EXOC4: variants seen among roughly 807,000 people sequenced by gnomAD.
EXOC4 encodes the protein SEC8-like 1.
Under a neutral mutation model 107.2 loss-of-function variants are expected in EXOC4, and 71 were observed. That is an observed-to-expected ratio of 0.66 (90% CI 0.55 to 0.81). The LOEUF (loss-of-function observed/expected upper bound fraction) is 0.81, where lower values mean the gene tolerates loss of function less well. Ranked by LOEUF, EXOC4 falls within the 30% of genes least tolerant of loss-of-function variation. EXOC4 has a pLI of 0.00. For synonymous variants in EXOC4, 456 were observed against 441.2 expected, an observed-to-expected ratio of 1.03 and a Z score of -0.42; for missense variants, 1,108 against 1,189.6, an observed-to-expected ratio of 0.93 and a Z score of 1.01.
At chr7:133,346,499 AGT>A (rs1236117085) in intron 5 of EXOC4, among the ~76,000 whole-genome samples, 1 of 152,056 alleles carries the variant, frequency 6.6e-6, no homozygotes, top group Non-Finnish European at 1.5e-5. Context: ...ATATGTTAAG[AGT>A]GTGAATTTAT....
intron 9 of EXOC4, among the ~76,000 whole-genome samples, chr7:133,536,392 C>T (rs1383507666): frequency 2.0e-5 from 3 of 152,112 alleles, no homozygotes; most frequent in African/African-American, 4.8e-5. Flanking sequence ...CTTGAGATCA[C>T]GTACATCCAC....
intron 9 of EXOC4, among the ~76,000 whole-genome samples, chr7:133,530,557 G>A (rs1800162666): frequency 6.6e-6 from 1 of 152,186 alleles, no homozygotes; most frequent in African/African-American, 2.4e-5. Flanking sequence ...AACCATCACT[G>A]TATGTACAGT....
At chr7:133,971,334 G>GTA (rs1206467959) in intron 14 of EXOC4, among the ~76,000 whole-genome samples, 2,669 of 41,512 alleles carry the variant, frequency 0.064, 118 homozygotes, top group African/African-American at 0.073. Flanking sequence ...GGGAAAATGT[G>GTA]TATATATATA....
At chr7:133,810,622 T>G (rs575543964) in intron 10 of EXOC4, among the ~76,000 whole-genome samples, 1 of 150,600 alleles carries the variant, frequency 6.6e-6, no homozygotes, top group Non-Finnish European at 1.5e-5. Flanking sequence ...TTTATTTTAT[T>G]TTATTTTATT....
At chr7:133,965,558 T>A (rs1006423607) in intron 14 of EXOC4, among the ~76,000 whole-genome samples, 4 of 152,174 alleles carry the variant, frequency 2.6e-5, no homozygotes, top group African/African-American at 7.2e-5. Context: ...GCTGCCAGTT[T>A]TCCCAACATT....
intron 9 of EXOC4, among the ~76,000 whole-genome samples, chr7:133,483,640 A>G (rs1021774896): frequency 6.6e-6 from 1 of 152,236 alleles, no homozygotes; most frequent in African/African-American, 2.4e-5. Context: ...TATGTTCCTA[A>G]TAATCATTAA....
At chr7:133,338,176 T>C (rs1047854173) in intron 5 of EXOC4, among the ~76,000 whole-genome samples, 6 of 152,168 alleles carry the variant, frequency 3.9e-5, no homozygotes, top group Admixed American at 3.9e-4. Context: ...ATTTAAATCA[T>C]GTATTTAATT....
At chr7:133,911,463 A>G (rs1456265950) in intron 12 of EXOC4, among the ~76,000 whole-genome samples, 6 of 152,168 alleles carry the variant, frequency 3.9e-5, no homozygotes, top group African/African-American at 7.2e-5. Context: ...GTTCATTCCA[A>G]ATGTACTAAC....
At chr7:133,634,029 C>T (rs375151891) in intron 10 of EXOC4, among the ~76,000 whole-genome samples, 3 of 152,150 alleles carry the variant, frequency 2.0e-5, no homozygotes, top group African/African-American at 7.2e-5. Flanking sequence ...TGCAGCCTAG[C>T]GGGTTTCTAT....
chr7:133,458,873 C>G (rs891214615), intron 7 of EXOC4, among the ~76,000 whole-genome samples: 2 of 149,908 alleles, frequency 1.3e-5, no homozygotes, highest in African/African-American at 4.9e-5. Context: ...ACCCCCACAC[C>G]CCCGCCCTGT....
At chr7:133,352,989 G>A (rs1384694710) in intron 5 of EXOC4, among the ~76,000 whole-genome samples, 1 of 151,936 alleles carries the variant, frequency 6.6e-6, no homozygotes, top group Non-Finnish European at 1.5e-5. Flanking sequence ...TATACATTGT[G>A]TGCTCAAAAA....
At chr7:133,547,967 C>G (rs1206217902) in intron 9 of EXOC4, among the ~76,000 whole-genome samples, 1 of 151,870 alleles carries the variant, frequency 6.6e-6, no homozygotes, top group Non-Finnish European at 1.5e-5. Flanking sequence ...TTTCAATTTA[C>G]TTTGCCCGGA....
chr7:133,457,863 G>A (rs1033842156), intron 7 of EXOC4, among the ~76,000 whole-genome samples: 1 of 152,018 alleles, frequency 6.6e-6, no homozygotes, highest in African/African-American at 2.4e-5. Context: ...AATCATCATA[G>A]TACAGTAGTA....
At chr7:133,941,762 A>C (rs1800432963) in intron 14 of EXOC4, among the ~76,000 whole-genome samples, 1 of 151,242 alleles carries the variant, frequency 6.6e-6, no homozygotes, top group Non-Finnish European at 1.5e-5. Flanking sequence ...AAAGGACTTC[A>C]AGAGTGGCTG....
At chr7:133,641,847 T>G (rs1378216284) in intron 10 of EXOC4, among the ~76,000 whole-genome samples, 2 of 152,104 alleles carry the variant, frequency 1.3e-5, no homozygotes, top group South Asian at 2.1e-4. Flanking sequence ...GCTGAACAGG[T>G]TCGATAGAGG....
intron 5 of EXOC4, among the ~76,000 whole-genome samples, chr7:133,332,831 C>G (rs576000735): frequency 2.0e-5 from 3 of 152,162 alleles, no homozygotes; most frequent in African/African-American, 7.2e-5. Flanking sequence ...GGAAATGGTT[C>G]TAAAATGTCA....
At chr7:133,702,406 A>T (rs1479566263) in intron 10 of EXOC4, among the ~76,000 whole-genome samples, 1 of 36,074 alleles carries the variant, frequency 2.8e-5, no homozygotes, top group South Asian at 1.0e-3. Flanking sequence ...TGATGTGATC[A>T]CATTTCACTA....
chr7:133,809,539 A>G (rs1212599844), intron 10 of EXOC4, among the ~76,000 whole-genome samples: 1 of 152,238 alleles, frequency 6.6e-6, no homozygotes, highest in Non-Finnish European at 1.5e-5. Flanking sequence ...AGTCAAGACT[A>G]GATTAGAAAA....
intron 14 of EXOC4, among the ~76,000 whole-genome samples, chr7:133,978,681 C>T (rs1217148096): frequency 3.3e-5 from 5 of 152,110 alleles, no homozygotes; most frequent in East Asian, 1.9e-4. Context: ...GAAATGCAGC[C>T]GGGGATTTCA....
Sources: gnomAD v4.1 joint callset for allele counts (sites outside exome capture counted in the v4.1 genomes callset) on GRCh38, gnomAD v4.1.1 for gene constraint, MANE v1.5 for transcripts, NCBI Gene and HGNC (gene_info 2026-07-23, HGNC 2026-07-21) for gene names.